PAQR8: variants seen among roughly 807,000 people sequenced by gnomAD.
PAQR8 encodes progestin and adipoQ receptor family member 8, also known as membrane progestin receptor beta.
PAQR8 carries 17 observed loss-of-function variants against 25.2 expected under a neutral mutation model. The ratio of observed to expected loss-of-function variants is 0.67; its 90% CI spans 0.46 to 1.01. PAQR8 has a LOEUF of 1.01. PAQR8 is among the 50% of genes least tolerant of loss of function. The pLI, the probability that PAQR8 is intolerant of heterozygous loss-of-function variation, is 0.00. For missense variants in PAQR8, 392 were observed against 448.4 expected (o/e 0.87, Z 1.14); for synonymous variants, 204 against 190.6 (o/e 1.07, Z -0.58).
At chr6:52,371,903 G>A (rs181444524) in intron 1 of PAQR8, among the ~76,000 whole-genome samples, 104 of 152,266 alleles carry the variant, frequency 6.8e-4, no homozygotes, top group African/African-American at 2.4e-3. Context: ...TTTGTGTGGG[G>A]GCATGAAATC....
intron 1 of PAQR8, among the ~76,000 whole-genome samples, chr6:52,364,013 C>T (rs1763320959): frequency 6.7e-6 from 1 of 148,872 alleles, no homozygotes; most frequent in Non-Finnish European, 1.5e-5. Flanking sequence ...AGTTATTTGG[C>T]GTAACAACCA....
chr6:52,393,279 A>G (rs992618125), intron 1 of PAQR8, among the ~76,000 whole-genome samples: 15 of 150,038 alleles, frequency 1.0e-4, no homozygotes, highest in South Asian at 2.1e-4. Context: ...ACTGTCTGGT[A>G]TGTGCTAAAC....
intron 1 of PAQR8, among the ~76,000 whole-genome samples, chr6:52,372,905 C>G (rs935839664): frequency 3.3e-5 from 5 of 152,212 alleles, no homozygotes; most frequent in African/African-American, 9.6e-5. Context: ...CACTATATCC[C>G]TATTTGACAG....
At chr6:52,388,862 T>G (rs1049925620) in intron 1 of PAQR8, among the ~76,000 whole-genome samples, 6 of 152,320 alleles carry the variant, frequency 3.9e-5, no homozygotes, top group Non-Finnish European at 7.3e-5. Flanking sequence ...AGCCTGAATT[T>G]GAGAGAGAAG....
At chr6:52,389,798 C>T (rs1336035241) in intron 1 of PAQR8, among the ~76,000 whole-genome samples, 1 of 152,184 alleles carries the variant, frequency 6.6e-6, no homozygotes, top group South Asian at 2.1e-4. Flanking sequence ...AGGGCATTTC[C>T]AAGATTGATT....
chr6:52,371,670 A>G (rs556451908), intron 1 of PAQR8, among the ~76,000 whole-genome samples: 6 of 152,366 alleles, frequency 3.9e-5, no homozygotes, highest in Admixed American at 2.0e-4. Context: ...GGAGGTAATA[A>G]TATATCCATG....
intron 1 of PAQR8, among the ~76,000 whole-genome samples, chr6:52,365,493 A>G (rs1315376913): frequency 6.6e-6 from 1 of 152,206 alleles, no homozygotes; most frequent in African/African-American, 2.4e-5. Context: ...AATAACATTG[A>G]TGCGTGTAGA....
intron 1 of PAQR8, among the ~76,000 whole-genome samples, chr6:52,398,674 C>T (rs1763796535): frequency 6.6e-6 from 1 of 152,180 alleles, no homozygotes; most frequent in South Asian, 2.1e-4. Flanking sequence ...CTGCCTCAGC[C>T]TCCCTAGTAG....
intron 1 of PAQR8, among the ~76,000 whole-genome samples, chr6:52,387,167 T>A (rs1763642891): frequency 6.6e-6 from 1 of 152,158 alleles, no homozygotes; most frequent in African/African-American, 2.4e-5. Context: ...TCTTCAGGGG[T>A]GCCCTTAGGA....
chr6:52,387,455 T>A (rs1763646137), intron 1 of PAQR8, among the ~76,000 whole-genome samples: 1 of 152,242 alleles, frequency 6.6e-6, no homozygotes, highest in African/African-American at 2.4e-5. Context: ...AAATTCAGTG[T>A]ACCTCAGTTA....
At chr6:52,388,314 T>G (rs1763656546) in intron 1 of PAQR8, among the ~76,000 whole-genome samples, 1 of 151,552 alleles carries the variant, frequency 6.6e-6, no homozygotes. Flanking sequence ...AGGTGGAGGT[T>G]GCAGTGAGCT....
chr6:52,383,296 T>C (rs972795134), intron 1 of PAQR8, among the ~76,000 whole-genome samples: 1 of 152,246 alleles, frequency 6.6e-6, no homozygotes, highest in Non-Finnish European at 1.5e-5. Flanking sequence ...GGTTTAGGAA[T>C]AGCAAATGGT....
intron 1 of PAQR8, among the ~76,000 whole-genome samples, chr6:52,378,254 AG>A (rs1763507984): frequency 2.0e-5 from 3 of 152,274 alleles, no homozygotes; most frequent in Admixed American, 2.0e-4. Context: ...GATAAAGAAC[AG>A]TAACAGTGAA....
intron 1 of PAQR8, among the ~76,000 whole-genome samples, chr6:52,396,935 C>T (rs924052507): frequency 1.1e-4 from 16 of 152,058 alleles, no homozygotes; most frequent in African/African-American, 2.4e-4. Flanking sequence ...TGGAAATCAG[C>T]GGATACAGGT....
At chr6:52,383,616 C>T (rs889743674) in intron 1 of PAQR8, among the ~76,000 whole-genome samples, 1 of 149,288 alleles carries the variant, frequency 6.7e-6, no homozygotes, top group Admixed American at 6.7e-5. Context: ...AGCCGAGATC[C>T]CGCCACTGCA....
chr6:52,404,104 G>T lies in PAQR8; in HGVS notation c.891G>T (p.Leu297=). 6.2e-7 allele frequency: 1 copy of T among 1,614,240 alleles called. No homozygotes were observed. Among genetic ancestry groups the T allele is most frequent in the Non-Finnish European group, 8.5e-7 (1 of 1,180,038 alleles). The stretch of plus-strand genomic sequence containing the variant: ...TGTCCATCTGTACGCTCTCCCAGCT[G>T]GAGGCCATCCTCCTGGACTACCAGG... ...AFLSICTLSQ[L]EAILLDYQGR... The change falls in exon 2 of 2, where the codon CTG becomes CTT. Residue 297 remains leucine (L), a synonymous_variant. Coordinates refer to ENST00000442253, the MANE Select transcript of PAQR8 (RefSeq NM_133367.5).
rs35079265 is a variant in PAQR8, at chr6:52,393,333, C to CT, written c.-52-9809dup. ...ACTATTATTCTGACACTTTCTCTCT[C>CT]TTTTTTTTTTTTTTTTTTTTGAGAC... is the stretch of plus-strand genomic sequence containing the variant. On this transcript the variant is annotated intron_variant, in intron 1 of 1. Coordinates refer to ENST00000442253, the MANE Select transcript of PAQR8 (RefSeq NM_133367.5). Among the ~76,000 whole-genome samples, 719 of 111,130 alleles carry CT rather than the reference C, an allele frequency of 6.5e-3. 23 individuals carry two copies. Among genetic ancestry groups the CT allele is most frequent in the African/African-American group, 9.0e-3 (258 of 28,720 alleles). 72.9% of individuals were successfully genotyped at this position (111,130 alleles called of 152,430 possible). A position where few individuals can be genotyped will look rare whatever the true frequency, so the allele number is the denominator to read the frequency against.
At chr6:52,398,197 CTTTTTTCTTTTTT>C (rs1411988329) in intron 1 of PAQR8, among the ~76,000 whole-genome samples, 6 of 133,712 alleles carry the variant, frequency 4.5e-5, no homozygotes, top group Non-Finnish European at 7.7e-5. Context: ...TTTTTCTTTT[CTTTTTTCTTTTTT>C]TTTTTTTTTT....
At position 52,406,710 on chromosome 6, in the gene PAQR8, G is replaced by A. The variant is rs555483352; in HGVS notation, c.*2432G>A. 1.7e-5 allele frequency: 7 copies of A among 401,828 alleles called. No homozygotes were observed. Among genetic ancestry groups the A allele is most frequent in the South Asian group, 1.4e-4 (1 of 7,142 alleles). 24.9% of individuals were successfully genotyped at this position (401,828 alleles called of 1,614,324 possible). ...CCTAAGTACCTGGTACTACAGGCGC[G>A]TGCCACCACACCTGGCTAATTTTTG... On this transcript the variant is annotated 3_prime_UTR_variant, in exon 2 of 2. Transcript: ENST00000442253.
Sources: gnomAD v4.1 joint callset for allele counts (sites outside exome capture counted in the v4.1 genomes callset) on GRCh38, gnomAD v4.1.1 for gene constraint, MANE v1.5 for transcripts, NCBI Gene and HGNC (gene_info 2026-07-23, HGNC 2026-07-21) for gene names.